Variants in DNM2 observed in about 807,000 individuals in gnomAD.
DNM2 encodes dynamin 2.
DNM2 carries 15 observed loss-of-function variants against 99.0 expected under a neutral mutation model. The ratio of observed to expected loss-of-function variants is 0.15; its 90% confidence interval spans 0.10 to 0.23. The LOEUF (loss-of-function observed/expected upper bound fraction) is 0.23, where lower values mean the gene tolerates loss of function less well. Among genes scored for constraint, DNM2 ranks in the 10% least tolerant of loss-of-function variants. The pLI, the probability that DNM2 is intolerant of heterozygous loss-of-function variation, is 1.00. For synonymous variants in DNM2, 525 were observed against 481.2 expected (o/e 1.09, Z -1.19); for missense variants, 742 against 1,189.4 (o/e 0.62, Z 5.53).
At chr19:10,769,048 G>C (rs1040954736) in intron 2 of DNM2, among the ~76,000 whole-genome samples, 1 of 152,132 alleles carries the variant, frequency 6.6e-6, no homozygotes, top group Non-Finnish European at 1.5e-5. Context: ...CTGCCTGTGT[G>C]TGCTGGGGGA....
intron 1 of DNM2, among the ~76,000 whole-genome samples, chr19:10,737,047 C>T (rs550299423): frequency 6.6e-6 from 1 of 152,226 alleles, no homozygotes; most frequent in Non-Finnish European, 1.5e-5. Context: ...ACTCAGGAGG[C>T]TGAGGTGGGA....
At chr19:10,736,664 A>G (rs142406167) in intron 1 of DNM2, among the ~76,000 whole-genome samples, 23 of 152,186 alleles carry the variant, frequency 1.5e-4, no homozygotes, top group African/African-American at 2.9e-4. Context: ...TGGTGTGCCA[A>G]TAGTGTTGGG....
At chr19:10,780,081 AC>A (rs1173285174) in intron 5 of DNM2, among the ~76,000 whole-genome samples, 2 of 151,848 alleles carry the variant, frequency 1.3e-5, no homozygotes, top group Non-Finnish European at 2.9e-5. Context: ...TGGGTTTTCC[AC>A]CTCGATGTCT....
At position 10,772,604 on chromosome 19, in the gene DNM2, A is replaced by C; in HGVS notation, c.361A>C (p.Asn121His). Residue 121 changes from asparagine (N) to histidine (H), a missense_variant, in exon 3 of 21, where the codon AAC (asparagine) becomes CAC (histidine). Transcript: ENST00000389253. The surrounding 1 kb of genome is among the most constrained non-coding windows in gnomAD (Gnocchi z 4.9). ...CAAAGGCATCTCCCCAGTGCCCATC[A>C]ACCTTCGAGTCTACTCGCCACACGG... is the stretch of plus-strand genomic sequence containing the variant. Reference protein sequence around the residue: ...TNKGISPVPINLRVYSPHVLN... With the variant: ...TNKGISPVPIHLRVYSPHVLN... 1 of 1,614,156 alleles carries C rather than the reference A, an allele frequency of 6.2e-7. No individual in the cohort carries two copies. The highest frequency in any genetic ancestry group is 1.7e-5 in the Admixed American group (1 of 60,006).
chr19:10,727,477 C>T (rs2069152082), intron 1 of DNM2, among the ~76,000 whole-genome samples: 1 of 151,974 alleles, frequency 6.6e-6, no homozygotes, highest in Non-Finnish European at 1.5e-5. Context: ...GGGATCTTCC[C>T]ACTTCAGCCT....
chr19:10,802,165 C>G, intron 11 of DNM2, 123 bp from the exon 12 acceptor site: 1 of 987,602 alleles, frequency 1.0e-6, no homozygotes, highest in Non-Finnish European at 1.6e-6. Context: ...CCCCTGTTCT[C>G]CTGTCTGGGA....
intron 1 of DNM2, among the ~76,000 whole-genome samples, chr19:10,718,862 C>T (rs758474743): frequency 1.3e-5 from 2 of 152,184 alleles, no homozygotes; most frequent in Non-Finnish European, 2.9e-5. Flanking sequence ...TTGGCTGTCT[C>T]TCTGTCCTGG....
chr19:10,749,904 G>A (rs1311365054), intron 1 of DNM2, among the ~76,000 whole-genome samples: 2 of 152,192 alleles, frequency 1.3e-5, no homozygotes, highest in Admixed American at 1.3e-4. Context: ...CTATGGGAGG[G>A]TTTCCTGGCA....
intron 19 of DNM2, among the ~76,000 whole-genome samples, chr19:10,829,923 AG>A (rs922059203): frequency 1.8e-4 from 27 of 152,178 alleles, no homozygotes; most frequent in Middle Eastern, 6.8e-3. Context: ...CCAAGGCCTG[AG>A]GGGGCCCTGT....
At chr19:10,829,304 G>A (rs746790650) in intron 19 of DNM2, 36 bp downstream of exon 19, 165 of 1,604,940 alleles carry the variant, frequency 1.0e-4, no homozygotes, top group Non-Finnish European at 1.3e-4. Context: ...TCAAGCATTC[G>A]GCCTGCAGGT....
chr19:10,797,650 G>A, intron 10 of DNM2, 132 bp downstream of exon 10: 1 of 1,399,632 alleles, frequency 7.1e-7, no homozygotes, highest in African/African-American at 1.4e-5. Flanking sequence ...ACTTAGAGAT[G>A]TCGCCACCTT....
chr19:10,749,504 A>G (rs2070118516), intron 1 of DNM2, among the ~76,000 whole-genome samples: 1 of 152,224 alleles, frequency 6.6e-6, no homozygotes, highest in Non-Finnish European at 1.5e-5. Flanking sequence ...GACTTGAGCC[A>G]GGCCAAGCCG....
chr19:10,790,506 T>A (rs908222288), intron 7 of DNM2, among the ~76,000 whole-genome samples: 4 of 152,200 alleles, frequency 2.6e-5, no homozygotes, highest in African/African-American at 7.2e-5. Flanking sequence ...AGAGTCTCGC[T>A]CTGTCACCCA....
chr19:10,813,467 T>A (rs1170423727), intron 15 of DNM2, among the ~76,000 whole-genome samples: 1 of 152,218 alleles, frequency 6.6e-6, no homozygotes, highest in Non-Finnish European at 1.5e-5. Flanking sequence ...GTGGTGTCTG[T>A]CACTTTGGTA....
intron 1 of DNM2, among the ~76,000 whole-genome samples, chr19:10,729,211 T>C (rs1049698788): frequency 1.4e-5 from 2 of 142,210 alleles, no homozygotes; most frequent in African/African-American, 2.6e-5. Context: ...TAGCCAAGCA[T>C]GGTGGCGGGC....
At chr19:10,804,661 C>G (rs938575526) in intron 12 of DNM2, among the ~76,000 whole-genome samples, 3 of 152,110 alleles carry the variant, frequency 2.0e-5, no homozygotes, top group South Asian at 2.1e-4. Context: ...GCTCTCCAGC[C>G]TGGGTGACAG....
intron 1 of DNM2, among the ~76,000 whole-genome samples, chr19:10,718,836 T>C (rs2068841050): frequency 6.6e-6 from 1 of 152,060 alleles, no homozygotes; most frequent in South Asian, 2.1e-4. Context: ...TATCTGGAGC[T>C]GCCCCCGCCG....
chr19:10,739,804 C>T lies in DNM2; in HGVS notation c.162-19934C>T, dbSNP rs539932368. ...CCTGGGGGGCAAGGTTGCAGTGAGC[C>T]GAGATCACTCCACTGCACTCTAGCC... On this transcript the variant is annotated intron_variant, in intron 1 of 20. Transcript: ENST00000389253. Among the ~76,000 whole-genome samples, 20 of 142,972 alleles carry T rather than the reference C, an allele frequency of 1.4e-4. No individual in the cohort carries two copies. The South Asian group carries it at 1.7e-3, about 12-fold the overall frequency. 93.8% of individuals were successfully genotyped at this position (142,972 alleles called of 152,430 possible).
At chr19:10,752,272 A>G (rs531067276) in intron 1 of DNM2, among the ~76,000 whole-genome samples, 100 of 152,264 alleles carry the variant, frequency 6.6e-4, no homozygotes, top group African/African-American at 2.3e-3. Flanking sequence ...TAAAAGATTG[A>G]TCAGCCTGTT....
Sources: allele counts gnomAD v4.1 joint callset (sites outside exome capture counted in the v4.1 genomes callset), GRCh38; gene constraint gnomAD v4.1.1; non-coding constraint Gnocchi (gnomAD v3.1); transcripts MANE v1.5; gene names NCBI Gene and HGNC (gene_info 2026-07-23, HGNC 2026-07-21).